SPATA16: variants seen among roughly 807,000 people sequenced by gnomAD.
SPATA16 encodes the protein spermatogenesis-associated protein 16.
Under a neutral mutation model 63.3 loss-of-function variants are expected in SPATA16, and 36 were observed. The observed-to-expected ratio is 0.57, with a 90% confidence interval of 0.44 to 0.75. The LOEUF is 0.75. SPATA16 is among the 30% of genes least tolerant of loss of function. SPATA16 has a pLI of 0.00. For missense variants in SPATA16, 646 were observed against 679.3 expected (o/e 0.95, Z 0.54); for synonymous variants, 203 against 216.7 (o/e 0.94, Z 0.56).
At chr3:173,108,004 G>A (rs1446907207) in intron 2 of SPATA16, among the ~76,000 whole-genome samples, 1 of 152,118 alleles carries the variant, frequency 6.6e-6, no homozygotes. Flanking sequence ...TGATTCAGAA[G>A]AATGACAGAA....
At chr3:172,968,328 G>A (rs551430883) in intron 5 of SPATA16, among the ~76,000 whole-genome samples, 1 of 152,254 alleles carries the variant, frequency 6.6e-6, no homozygotes, top group East Asian at 1.9e-4. Flanking sequence ...AGTGAGAGTT[G>A]GGGCTTCAAA....
intron 6 of SPATA16, among the ~76,000 whole-genome samples, chr3:172,952,539 A>T (rs1265155467): frequency 6.6e-6 from 1 of 152,154 alleles, no homozygotes; most frequent in Non-Finnish European, 1.5e-5. Flanking sequence ...CCTGGAAGTG[A>T]CATATATCAC....
intron 2 of SPATA16, among the ~76,000 whole-genome samples, chr3:173,104,652 C>T (rs1439922276): frequency 2.0e-5 from 3 of 152,106 alleles, no homozygotes; most frequent in East Asian, 3.9e-4. Context: ...ACCCAAACAC[C>T]TCCCACCAGT....
intron 3 of SPATA16, among the ~76,000 whole-genome samples, chr3:173,020,222 G>A (rs1273900595): frequency 6.6e-6 from 1 of 152,004 alleles, no homozygotes; most frequent in Non-Finnish European, 1.5e-5. Flanking sequence ...GCTTGAACCC[G>A]GGAGGCAGAG....
intron 6 of SPATA16, among the ~76,000 whole-genome samples, chr3:172,931,752 C>T (rs1461826076): frequency 1.3e-5 from 2 of 152,134 alleles, no homozygotes; most frequent in East Asian, 1.9e-4. Flanking sequence ...AAAAAATCAC[C>T]TTATCTTTGT....
At position 173,037,772 on chromosome 3, in the gene SPATA16, T is replaced by C. The variant is rs746958853; in HGVS notation, c.758+11177A>G. ...CTGCTCTTCAGTCTTCAACAAGAAA[T>C]GAGAAAAGGTCACAGGCCCAAGAGA... On this transcript the variant is annotated intron_variant, in intron 3 of 10. Transcript: ENST00000351008. Among the ~76,000 whole-genome samples the C allele has an allele frequency of 9.9e-5, 15 of 151,848 alleles. 1 individual carries two copies. Among genetic ancestry groups the C allele is most frequent in the Non-Finnish European group, 2.2e-4 (15 of 67,928 alleles).
intron 4 of SPATA16, among the ~76,000 whole-genome samples, chr3:172,986,675 G>T (rs562912074): frequency 2.0e-5 from 3 of 152,106 alleles, no homozygotes; most frequent in Admixed American, 1.3e-4. Flanking sequence ...TTTTGAGCAG[G>T]GGGGGGAATG....
chr3:172,922,502 A>T (rs1732634488), intron 8 of SPATA16, among the ~76,000 whole-genome samples: 1 of 152,262 alleles, frequency 6.6e-6, no homozygotes, highest in African/African-American at 2.4e-5. Context: ...TGAGTTAAGA[A>T]CACTGAAAAA....
chr3:173,077,929 A>G (rs1330708701), intron 2 of SPATA16, among the ~76,000 whole-genome samples: 1 of 152,160 alleles, frequency 6.6e-6, no homozygotes, highest in Admixed American at 6.6e-5. Flanking sequence ...TTCTACCTTA[A>G]TATTTTGGCT....
At chr3:172,997,656 G>A (rs1734721984) in intron 4 of SPATA16, among the ~76,000 whole-genome samples, 1 of 152,026 alleles carries the variant, frequency 6.6e-6, no homozygotes, top group Admixed American at 6.6e-5. Flanking sequence ...TGTGACTTCA[G>A]TGTTGTATCT....
At chr3:173,051,086 A>G (rs1293199187) in intron 2 of SPATA16, among the ~76,000 whole-genome samples, 1 of 152,252 alleles carries the variant, frequency 6.6e-6, no homozygotes, top group East Asian at 1.9e-4. Context: ...CAAAAGGAAG[A>G]TTTTTATATG....
chr3:173,030,431 A>G (rs1287774477), intron 3 of SPATA16, among the ~76,000 whole-genome samples: 1 of 152,012 alleles, frequency 6.6e-6, no homozygotes, highest in African/African-American at 2.4e-5. Flanking sequence ...TTTAATAGAC[A>G]TTTTTCCAAA....
At chr3:172,898,761 A>T in intron 10 of SPATA16, among the ~76,000 whole-genome samples, 3 of 145,592 alleles carry the variant, frequency 2.1e-5, no homozygotes, top group Admixed American at 6.8e-5. Flanking sequence ...TGCTTTGTTT[A>T]TTTTGTCCTT....
chr3:173,103,935 G>A (rs984609456), intron 2 of SPATA16, among the ~76,000 whole-genome samples: 1 of 152,088 alleles, frequency 6.6e-6, no homozygotes, highest in African/African-American at 2.4e-5. Flanking sequence ...TCATTTATCT[G>A]CTCCTGCATC....
rs775042187 is a variant in SPATA16, at chr3:172,977,060, C to T, written c.849-8G>A. 3.1e-6 allele frequency: 5 copies of T among 1,604,884 alleles called. No homozygotes were observed. Among genetic ancestry groups the T allele is most frequent in the Non-Finnish European group, 3.4e-6 (4 of 1,176,642 alleles). On this transcript the variant is annotated splice_region_variant and splice_polypyrimidine_tract_variant and intron_variant, in intron 4 of 10. Transcript: ENST00000351008. ...TCAGCAATCATGGCACTCCTAAGAACAAGGACAGATTAAAAAAAAAACAAA... is the reference window on the plus strand; with the variant it reads ...TCAGCAATCATGGCACTCCTAAGAATAAGGACAGATTAAAAAAAAAACAAA...
intron 4 of SPATA16, among the ~76,000 whole-genome samples, chr3:172,989,670 G>A (rs1458025556): frequency 6.6e-6 from 1 of 152,150 alleles, no homozygotes; most frequent in Non-Finnish European, 1.5e-5. Flanking sequence ...TAAATGTAGT[G>A]CATATTAGCA....
At chr3:172,957,225 T>C (rs1431777584) in intron 5 of SPATA16, among the ~76,000 whole-genome samples, 2 of 152,302 alleles carry the variant, frequency 1.3e-5, no homozygotes, top group South Asian at 4.1e-4. Context: ...AACTAAAATA[T>C]CTAAAGTATA....
In SPATA16 at chr3:173,048,982, C is replaced by G. The variant is rs1438734645; in HGVS notation, c.725G>C (p.Arg242Thr). 2 of 1,613,816 alleles carry G rather than the reference C, an allele frequency of 1.2e-6. No individual in the cohort carries two copies. Among genetic ancestry groups the G allele is most frequent in the Admixed American group, 3.3e-5 (2 of 60,016 alleles). ...ATGATTCAGGGCAAGATCTGGTTTC[C>G]TCATCCGTAGATAACAGGTAACAAG... Reference protein sequence around the residue: ...TKLVTCYLRMRKPDLALNHAH... With the variant: ...TKLVTCYLRMTKPDLALNHAH... The change falls in exon 3 of 11, where the codon AGG (arginine) becomes ACG (threonine). Residue 242 changes from arginine (R) to threonine (T), a missense_variant. By Grantham distance (71) the Arg-to-Thr change is moderately conservative. Transcript: ENST00000351008.
chr3:173,068,815 G>T (rs1248604189), intron 2 of SPATA16, among the ~76,000 whole-genome samples: 1 of 95,886 alleles, frequency 1.0e-5, no homozygotes, highest in African/African-American at 5.5e-5. Flanking sequence ...CCCCAAATTA[G>T]TAAAAAAAAA....
Sources: gnomAD v4.1 joint callset for allele counts (sites outside exome capture counted in the v4.1 genomes callset) on GRCh38, gnomAD v4.1.1 for gene constraint, MANE v1.5 for transcripts, NCBI Gene and HGNC (gene_info 2026-07-23, HGNC 2026-07-21) for gene names.